Variants in ANKRD11 observed in about 807,000 individuals in gnomAD.
ANKRD11 encodes ankyrin repeat domain-containing protein 11.
In ANKRD11, 17 loss-of-function variants were observed where a neutral mutation model predicts 195.7. The observed-to-expected ratio is 0.09, with a 90% CI of 0.06 to 0.13. The LOEUF (loss-of-function observed/expected upper bound fraction) is 0.13, where lower values mean the gene tolerates loss of function less well. ANKRD11 is among the 10% of genes least tolerant of loss of function. The pLI is 1.00. For missense variants in ANKRD11, 3,735 were observed against 3,566.1 expected (o/e 1.05, Z -1.21); for synonymous variants, 1,953 against 1,528.1 (o/e 1.28, Z -6.49).
intron 1 of ANKRD11, among the ~76,000 whole-genome samples, chr16:89,474,338 C>T (rs2057184969): frequency 1.3e-5 from 2 of 152,024 alleles, no homozygotes; most frequent in South Asian, 4.1e-4. Flanking sequence ...ATACACTGGC[C>T]TGGCATGGTG....
At position 89,279,858 on chromosome 16, in the gene ANKRD11, T is replaced by C. The variant is rs1196911980; in HGVS notation, c.6684A>G (p.Glu2228=). The C allele has an allele frequency of 1.3e-6, 2 of 1,555,794 alleles. No individual in the cohort carries two copies. The highest frequency in any genetic ancestry group is 2.4e-5 in the East Asian group (1 of 41,728). The part of the protein sequence containing the change: ...EAAVEAETVP[E]ERARGDPDSS... Reference sequence around the variant, plus strand: ...AGTCCGGATCCCCACGGGCCCTCTCTTCCGGCACCGTCTCCGCCTCCACCG... The same window carrying C: ...AGTCCGGATCCCCACGGGCCCTCTCCTCCGGCACCGTCTCCGCCTCCACCG... The change falls in exon 9 of 13, where the codon GAA becomes GAG. Residue 2228 remains glutamate, a synonymous_variant. Coordinates refer to ENST00000301030, the MANE Select transcript of ANKRD11 (RefSeq NM_013275.6). The surrounding 1 kb of genome is among the most constrained non-coding windows in gnomAD (Gnocchi z 5.6).
At chr16:89,401,705 T>A (rs1042004845) in intron 2 of ANKRD11, among the ~76,000 whole-genome samples, 1 of 152,032 alleles carries the variant, frequency 6.6e-6, no homozygotes, top group Admixed American at 6.6e-5. Flanking sequence ...ATGATCCAGG[T>A]GAGATCGCTA....
At chr16:89,347,519 G>A (rs987441328) in intron 2 of ANKRD11, among the ~76,000 whole-genome samples, 1 of 151,410 alleles carries the variant, frequency 6.6e-6, no homozygotes, top group African/African-American at 2.4e-5. Flanking sequence ...GCTGAGGCAG[G>A]AGAATGGCGT....
chr16:89,375,369 G>A (rs2040376657), intron 2 of ANKRD11, among the ~76,000 whole-genome samples: 1 of 152,228 alleles, frequency 6.6e-6, no homozygotes, highest in East Asian at 1.9e-4. Flanking sequence ...TAAATGGATC[G>A]TTTGAGCCCG....
rs574628711 is a variant in ANKRD11 at position 89,397,185 on chromosome 16, C to A, written c.-60+21099G>T. Among the ~76,000 whole-genome samples, 74 of 152,290 alleles carry A rather than the reference C, an allele frequency of 4.9e-4. 1 individual carries two copies. The highest frequency in any genetic ancestry group is 4.8e-3 in the South Asian group (23 of 4,832). ...CAGAGCTCCTCAGGCTCCTCCACGT[C>A]CAACGGCGTCTCACAGTCCTGAGGA... On this transcript the variant is annotated intron_variant, in intron 2 of 12. Coordinates refer to ENST00000301030, the MANE Select transcript of ANKRD11 (RefSeq NM_013275.6).
intron 4 of ANKRD11, among the ~76,000 whole-genome samples, chr16:89,293,159 T>C (rs2035175812): frequency 1.3e-5 from 2 of 152,080 alleles, no homozygotes. Context: ...TTCAGAGGCC[T>C]GCTCCCTCCG....
At chr16:89,406,322 T>C (rs1219762175) in intron 2 of ANKRD11, among the ~76,000 whole-genome samples, 2 of 152,070 alleles carry the variant, frequency 1.3e-5, no homozygotes, top group African/African-American at 4.8e-5. Flanking sequence ...AGACCCTCAC[T>C]GCCAGGTCAC....
intron 4 of ANKRD11, among the ~76,000 whole-genome samples, chr16:89,304,428 GCA>G (rs1287171193): frequency 6.7e-6 from 1 of 149,498 alleles, no homozygotes; most frequent in Non-Finnish European, 1.5e-5. Context: ...ATATATACAG[GCA>G]CACACAGGCA....
At chr16:89,384,879 C>CTTTTTCTTTTTTTTTTTTTTTTTT (rs2040833636) in intron 2 of ANKRD11, among the ~76,000 whole-genome samples, 1 of 49,910 alleles carries the variant, frequency 2.0e-5, no homozygotes, top group African/African-American at 7.9e-5. Context: ...AAATAGTTTT[C>CTTTTTCTTTTTTTTTTTTTTTTTT]TTTTTTTTTT....
chr16:89,476,945 A>G (rs1474324210), intron 1 of ANKRD11, among the ~76,000 whole-genome samples: 1 of 152,216 alleles, frequency 6.6e-6, no homozygotes, highest in Non-Finnish European at 1.5e-5. Flanking sequence ...GGAACACATG[A>G]TATGGTAACA....
At chr16:89,270,670 G>A in intron 12 of ANKRD11, 147 bp downstream of exon 12, 1 of 815,320 alleles carries the variant, frequency 1.2e-6, no homozygotes, top group East Asian at 2.7e-5. Flanking sequence ...GCATCGGCCA[G>A]ATTAAGAGAA....
chr16:89,359,643 G>A (rs527611619), intron 2 of ANKRD11, among the ~76,000 whole-genome samples: 10 of 152,280 alleles, frequency 6.6e-5, no homozygotes, highest in Admixed American at 2.0e-4. Context: ...CTTTTACCAC[G>A]AAGGTAGCCG....
At chr16:89,396,932 C>G (rs920020273) in intron 2 of ANKRD11, among the ~76,000 whole-genome samples, 2 of 138,228 alleles carry the variant, frequency 1.4e-5, no homozygotes, top group African/African-American at 5.2e-5. Flanking sequence ...GGTGATCCAG[C>G]TGCCTCGGTT....
At chr16:89,473,645 C>T (rs1190695585) in intron 1 of ANKRD11, among the ~76,000 whole-genome samples, 1 of 152,188 alleles carries the variant, frequency 6.6e-6, no homozygotes. Flanking sequence ...CAGACTGATA[C>T]GTCATGGAGG....
At chr16:89,328,295 C>T (rs568996598) in intron 2 of ANKRD11, among the ~76,000 whole-genome samples, 2 of 152,202 alleles carry the variant, frequency 1.3e-5, no homozygotes, top group South Asian at 2.1e-4. Flanking sequence ...GGCAGCCTTA[C>T]GAACCTAAGT....
rs369615139 is a variant in ANKRD11, at chr16:89,269,392, C to CAT, written c.7807-731_7807-730dup. On this transcript the variant is annotated intron_variant, in intron 12 of 12. Transcript: ENST00000301030. ...ATGTCTGTCTCTAAATTTTTCTCAACATATATATATGTATGAAATCGTTTT... is the reference window on the plus strand; with the variant it reads ...ATGTCTGTCTCTAAATTTTTCTCAACATATATATATATGTATGAAATCGTTTT... 1.5e-4 allele frequency among the ~76,000 whole-genome samples: 23 copies of CAT among 152,254 alleles called. 1 individual carries two copies. Among genetic ancestry groups the CAT allele is most frequent in the African/African-American group, 2.6e-4 (11 of 41,536 alleles).
intron 6 of ANKRD11, chr16:89,289,125 T>G (rs2034855990): frequency 3.8e-6 from 1 of 262,010 alleles, no homozygotes; most frequent in Admixed American, 5.1e-5. Flanking sequence ...GCGCCCAGGC[T>G]CGGGCTGCAC....
intron 3 of ANKRD11, among the ~76,000 whole-genome samples, chr16:89,310,326 C>G (rs1567623001): frequency 6.6e-6 from 1 of 152,262 alleles, no homozygotes; most frequent in African/African-American, 2.4e-5. Context: ...AGAGGAAGCA[C>G]ACTACCTCAT....
chr16:89,462,754 G>A (rs1296162839), intron 1 of ANKRD11, among the ~76,000 whole-genome samples: 5 of 150,292 alleles, frequency 3.3e-5, no homozygotes, highest in African/African-American at 4.9e-5. Flanking sequence ...ACCTCTGCCC[G>A]GCCACCCCGT....
Sources: gnomAD v4.1 joint callset for allele counts (sites outside exome capture counted in the v4.1 genomes callset) on GRCh38, gnomAD v4.1.1 for gene constraint, Gnocchi (gnomAD v3.1) non-coding constraint, MANE v1.5 for transcripts, NCBI Gene and HGNC (gene_info 2026-07-23, HGNC 2026-07-21) for gene names.